Variants in SORCS1 observed in about 807,000 individuals in gnomAD.
The protein encoded by SORCS1 is sortilin related VPS10 domain containing receptor 1, also known as VPS10 domain-containing receptor SorCS1.
A neutral mutation model predicts 146.1 loss-of-function variants in SORCS1; 60 were observed. The observed-to-expected ratio is 0.41, with a 90% confidence interval of 0.33 to 0.51. SORCS1 has a LOEUF of 0.51. SORCS1 is among the 20% of genes least tolerant of loss of function. SORCS1 has a pLI of 0.21. For missense variants in SORCS1, 1,352 were observed against 1,487.6 expected, an observed-to-expected ratio of 0.91 and a Z score of 1.50; for synonymous variants, 637 against 584.0, an observed-to-expected ratio of 1.09 and a Z score of -1.31.
In SORCS1 at chr10:106,818,612, C is replaced by T. The variant is rs140487224; in HGVS notation, c.726+10962G>A. Among the ~76,000 whole-genome samples, 819 of 152,238 alleles carry T rather than the reference C, an allele frequency of 5.4e-3. 8 individuals carry two copies. The highest frequency in any genetic ancestry group is 0.019 in the African/African-American group (788 of 41,544). ...ATCTCTTGACCTGGTGATCCGCCTG[C>T]CTCGGCGGGATTACAGGTGTGAGCC... On this transcript the variant is annotated intron_variant, in intron 3 of 25. Coordinates refer to ENST00000263054, the MANE Select transcript of SORCS1 (RefSeq NM_052918.5).
chr10:107,084,092 G>GTTTTTTTTTT (rs34590427), intron 1 of SORCS1, among the ~76,000 whole-genome samples: 158 of 113,650 alleles, frequency 1.4e-3, no homozygotes, highest in East Asian at 2.1e-3. Context: ...GTTGTTTTTT[G>GTTTTTTTTTT]TTTTTTTTTT....
intron 5 of SORCS1, among the ~76,000 whole-genome samples, chr10:106,749,194 G>A (rs183911144): frequency 3.9e-5 from 6 of 152,296 alleles, no homozygotes; most frequent in Admixed American, 1.3e-4. Context: ...ATGAGATTTG[G>A]AAGGCAGGAA....
chr10:106,652,101 A>T (rs992517924), intron 18 of SORCS1, among the ~76,000 whole-genome samples: 2 of 152,238 alleles, frequency 1.3e-5, no homozygotes, highest in South Asian at 4.1e-4. Flanking sequence ...GGATTTTGCT[A>T]AAAGTGCCAA....
At chr10:106,628,645 GT>G (rs1346285646) in intron 19 of SORCS1, among the ~76,000 whole-genome samples, 3 of 152,102 alleles carry the variant, frequency 2.0e-5, no homozygotes, top group Admixed American at 2.0e-4. Flanking sequence ...CCTTAACACT[GT>G]TTTTATACTC....
chr10:106,855,689 A>G (rs919657695), intron 2 of SORCS1, among the ~76,000 whole-genome samples: 3 of 151,996 alleles, frequency 2.0e-5, no homozygotes, highest in African/African-American at 7.3e-5. Context: ...CTTCATTTCT[A>G]TTACATGGTT....
intron 18 of SORCS1, among the ~76,000 whole-genome samples, chr10:106,649,461 TA>T (rs1372037085): frequency 2.6e-5 from 4 of 152,348 alleles, no homozygotes; most frequent in African/African-American, 9.6e-5. Flanking sequence ...ATTGTTTATC[TA>T]AAAAACTATT....
intron 18 of SORCS1, among the ~76,000 whole-genome samples, chr10:106,651,212 G>C (rs1849836768): frequency 6.6e-6 from 1 of 152,146 alleles, no homozygotes. Context: ...TTATTTCACA[G>C]TTATTTTTCC....
chr10:106,899,241 A>G (rs1417907119), intron 2 of SORCS1, among the ~76,000 whole-genome samples: 1 of 152,174 alleles, frequency 6.6e-6, no homozygotes, highest in Non-Finnish European at 1.5e-5. Context: ...CCCTCTCTGA[A>G]TTCCTCACTA....
At chr10:106,648,789 G>T (rs1849642673) in intron 18 of SORCS1, among the ~76,000 whole-genome samples, 1 of 152,068 alleles carries the variant, frequency 6.6e-6, no homozygotes, top group Non-Finnish European at 1.5e-5. Context: ...GGACCTAGGT[G>T]AGAACAGGCC....
At chr10:107,014,253 C>CA (rs562179526) in intron 1 of SORCS1, among the ~76,000 whole-genome samples, 3,264 of 78,886 alleles carry the variant, frequency 0.041, 118 homozygotes, top group African/African-American at 0.13. Context: ...GACCCTGCGT[C>CA]AAAAAAAAAA....
intron 1 of SORCS1, among the ~76,000 whole-genome samples, chr10:107,131,952 C>T (rs1459047091): frequency 3.3e-5 from 5 of 152,222 alleles, no homozygotes; most frequent in Non-Finnish European, 7.3e-5. Context: ...CAATGAACCA[C>T]TGCTGTTGGC....
intron 2 of SORCS1, among the ~76,000 whole-genome samples, chr10:106,929,625 C>T (rs1464865579): frequency 6.6e-6 from 1 of 152,176 alleles, no homozygotes; most frequent in Non-Finnish European, 1.5e-5. Context: ...TTCATTTTCC[C>T]TCCATTGTTT....
At chr10:106,919,276 A>G (rs1301409995) in intron 2 of SORCS1, among the ~76,000 whole-genome samples, 1 of 152,198 alleles carries the variant, frequency 6.6e-6, no homozygotes, top group African/African-American at 2.4e-5. Flanking sequence ...TATTAGTGTG[A>G]GGTACTTTCA....
Position 107,164,599 on chromosome 10 carries a change from G to A in SORCS1, c.-73C>T. On this transcript the variant is annotated 5_prime_UTR_variant, in exon 1 of 26. Transcript: ENST00000263054. This position sits in a 1 kb window ranked among gnomAD's most constrained non-coding sequence, Gnocchi z 6.8. ...CGGCACGAGCTCTGCGCTGGCGGCT[G>A]TGGGGGGCCGGCGCTCAGGACCCCA... 8.2e-7 allele frequency: 1 copy of A among 1,225,090 alleles called. No homozygotes were observed. Among genetic ancestry groups the A allele is most frequent in the South Asian group, 2.6e-5 (1 of 38,640 alleles). The allele number at this position is 1,225,090 out of a possible 1,614,324, so 75.9% of individuals were successfully genotyped here. A position where few individuals can be genotyped will look rare whatever the true frequency, so the allele number is the denominator to read the frequency against.
chr10:106,706,414 G>A, intron 8 of SORCS1, 131 bp downstream of exon 8: 3 of 842,280 alleles, frequency 3.6e-6, no homozygotes, highest in Admixed American at 4.5e-5. Flanking sequence ...GAGCAAACTT[G>A]GGAAACAGAG....
chr10:106,652,366 T>TA lies in SORCS1; in HGVS notation c.2475+15dup. On this transcript the variant is annotated intron_variant, in intron 18 of 25. Transcript: ENST00000263054. The stretch of plus-strand genomic sequence containing the variant: ...CTGGCCCTAGAAAGTAGGGGGGAGA[T>TA]AGGAATCAGTCCTACCTCTTCTAAT... 6.3e-7 allele frequency: 1 copy of TA among 1,587,498 alleles called. No individual in the cohort carries two copies. The highest frequency in any genetic ancestry group is 1.1e-5 in the South Asian group (1 of 89,272).
the SORCS1 span, among the ~76,000 whole-genome samples, chr10:107,173,071 C>T: frequency 3.9e-5 from 6 of 152,114 alleles, no homozygotes; most frequent in Non-Finnish European, 5.9e-5. Flanking sequence ...TCTCAGCATC[C>T]GAGCAGGATC....
chr10:106,795,370 G>C (rs1946507107), intron 3 of SORCS1, among the ~76,000 whole-genome samples: 1 of 152,076 alleles, frequency 6.6e-6, no homozygotes, highest in African/African-American at 2.4e-5. Flanking sequence ...CTAGTGATTG[G>C]TTAGTATCCC....
intron 10 of SORCS1, among the ~76,000 whole-genome samples, chr10:106,687,056 A>G (rs1439083767): frequency 3.3e-5 from 5 of 152,348 alleles, no homozygotes; most frequent in Admixed American, 2.0e-4. Context: ...TGTAGACACA[A>G]CTTCTGAAGT....
Sources: gnomAD v4.1 joint callset for allele counts (sites outside exome capture counted in the v4.1 genomes callset) on GRCh38, gnomAD v4.1.1 for gene constraint, Gnocchi (gnomAD v3.1) non-coding constraint, MANE v1.5 for transcripts, NCBI Gene and HGNC (gene_info 2026-07-23, HGNC 2026-07-21) for gene names.